Variants in TMEM117 observed in about 807,000 individuals in gnomAD.
The protein encoded by TMEM117 is transmembrane protein 117.
TMEM117 carries 27 observed loss-of-function variants against 52.4 expected under a neutral mutation model. That is an observed-to-expected ratio of 0.51 (90% CI 0.38 to 0.71). The LOEUF is 0.71. Ranked by LOEUF, TMEM117 falls within the 30% of genes least tolerant of loss-of-function variation. The probability of loss-of-function intolerance (pLI) is 0.00; values close to 1 mark genes in which losing one functional copy is unlikely to be tolerated. For missense variants in TMEM117, 556 were observed against 630.5 expected, an observed-to-expected ratio of 0.88 and a Z score of 1.26; for synonymous variants, 215 against 206.3, an observed-to-expected ratio of 1.04 and a Z score of -0.36.
At chr12:44,172,872 A>C (rs1033535003) in intron 4 of TMEM117, among the ~76,000 whole-genome samples, 1 of 151,816 alleles carries the variant, frequency 6.6e-6, no homozygotes, top group Non-Finnish European at 1.5e-5. Context: ...TTACAGGTGC[A>C]TGCCACCACG....
At chr12:43,954,078 C>T (rs1294105967) in intron 3 of TMEM117, among the ~76,000 whole-genome samples, 1 of 152,066 alleles carries the variant, frequency 6.6e-6, no homozygotes, top group Non-Finnish European at 1.5e-5. Context: ...GAAATTAAGG[C>T]AGAAATCAAG....
intron 4 of TMEM117, among the ~76,000 whole-genome samples, chr12:44,198,977 T>A (rs960385732): frequency 2.6e-5 from 4 of 152,194 alleles, no homozygotes; most frequent in African/African-American, 9.6e-5. Flanking sequence ...TATTTGGGAC[T>A]TTATATCAAT....
At chr12:44,320,639 G>A (rs1951117946) in intron 6 of TMEM117, among the ~76,000 whole-genome samples, 1 of 152,148 alleles carries the variant, frequency 6.6e-6, no homozygotes, top group Non-Finnish European at 1.5e-5. Flanking sequence ...TGCAATACAA[G>A]GGCATCTCCC....
chr12:43,798,417 G>A, the TMEM117 span: 5 of 671,520 alleles, frequency 7.4e-6, no homozygotes, highest in Admixed American at 3.8e-5. Flanking sequence ...TTTTATACTT[G>A]ATAAATGATA....
In TMEM117 at chr12:44,328,964, C is replaced by G. The variant is rs1024022957; in HGVS notation, c.768+29225C>G. On this transcript the variant is annotated intron_variant, in intron 6 of 7. Transcript: ENST00000266534. ...AAGACAAATTATACTTCTCAGAACC[C>G]TAACTTCCACAGAGATGCCACATGG... 2.6e-5 allele frequency among the ~76,000 whole-genome samples: 4 copies of G among 151,724 alleles called. No individual in the cohort carries two copies. The East Asian group carries it at 5.8e-4, about 22-fold the overall frequency.
chr12:44,280,714 T>A (rs1030037688), intron 5 of TMEM117, among the ~76,000 whole-genome samples: 2 of 151,890 alleles, frequency 1.3e-5, no homozygotes, highest in African/African-American at 4.8e-5. Context: ...GTTTCCTGAA[T>A]TCTCTGTGCC....
intron 3 of TMEM117, among the ~76,000 whole-genome samples, chr12:44,018,241 G>A (rs1001091787): frequency 2.0e-5 from 3 of 152,160 alleles, no homozygotes; most frequent in Non-Finnish European, 2.9e-5. Context: ...AAAGGCAAAA[G>A]TGAATTTTTG....
intron 2 of TMEM117, among the ~76,000 whole-genome samples, chr12:43,939,943 A>G (rs566702563): frequency 7.2e-5 from 11 of 151,956 alleles, no homozygotes; most frequent in Non-Finnish European, 1.6e-4. Flanking sequence ...GTGTAGAGGA[A>G]CTCCCATTAA....
chr12:43,804,133 T>A, the TMEM117 span: 7 of 355,130 alleles, frequency 2.0e-5, no homozygotes, highest in South Asian at 1.5e-4. Flanking sequence ...ACAAACTTAA[T>A]TGAATAATTC....
intron 7 of TMEM117, among the ~76,000 whole-genome samples, chr12:44,385,474 G>A (rs1222341077): frequency 6.6e-6 from 1 of 152,124 alleles, no homozygotes; most frequent in Non-Finnish European, 1.5e-5. Context: ...GGTGACTTGA[G>A]CTTGTAGTTC....
intron 3 of TMEM117, among the ~76,000 whole-genome samples, chr12:43,962,279 C>T (rs995247230): frequency 2.0e-5 from 3 of 152,164 alleles, no homozygotes; most frequent in African/African-American, 7.2e-5. Flanking sequence ...TGCCTTTAGG[C>T]TACCACCAGG....
rs199645447 is a variant in TMEM117, at chr12:44,155,848, A to G, written c.510+12224A>G. 7.2e-5 allele frequency among the ~76,000 whole-genome samples: 11 copies of G among 152,184 alleles called. No homozygotes were observed. The East Asian group carries it at 1.7e-3, about 24-fold the overall frequency. On this transcript the variant is annotated intron_variant, in intron 4 of 7. Coordinates refer to ENST00000266534, the MANE Select transcript of TMEM117 (RefSeq NM_032256.3). ...TGTGCTTTTTAAACAGGGCACATTAATCTGGAAACTGATTATGGCATGAAT... is the reference window on the plus strand; with the variant it reads ...TGTGCTTTTTAAACAGGGCACATTAGTCTGGAAACTGATTATGGCATGAAT...
At chr12:44,039,157 G>A (rs1445197789) in intron 3 of TMEM117, among the ~76,000 whole-genome samples, 1 of 152,106 alleles carries the variant, frequency 6.6e-6, no homozygotes, top group Non-Finnish European at 1.5e-5. Context: ...AGATTGTGGA[G>A]ATATTTCCTA....
At chr12:43,868,700 A>G (rs1262702100) in intron 2 of TMEM117, among the ~76,000 whole-genome samples, 1 of 152,150 alleles carries the variant, frequency 6.6e-6, no homozygotes, top group Non-Finnish European at 1.5e-5. Flanking sequence ...GTGACAAAAC[A>G]GTGCTTAGGG....
intron 2 of TMEM117, among the ~76,000 whole-genome samples, chr12:43,881,945 G>C (rs1477077195): frequency 6.6e-6 from 1 of 151,604 alleles, no homozygotes; most frequent in Admixed American, 6.6e-5. Flanking sequence ...GGTGGCAAGC[G>C]CCTGTAGTCC....
the TMEM117 span, among the ~76,000 whole-genome samples, chr12:43,828,859 T>C: frequency 6.6e-6 from 1 of 152,222 alleles, no homozygotes. Context: ...CCCTCCTTTC[T>C]TTCCTACCCT....
intron 3 of TMEM117, among the ~76,000 whole-genome samples, chr12:44,032,953 G>A (rs9919711): frequency 0.096 from 14,535 of 152,168 alleles, 1,103 homozygotes; most frequent in African/African-American, 0.2. Context: ...CTTGAATAAG[G>A]GCAGGTTAAA....
chr12:44,381,160 A>G (rs1445439697), intron 7 of TMEM117, among the ~76,000 whole-genome samples: 1 of 152,216 alleles, frequency 6.6e-6, no homozygotes, highest in East Asian at 1.9e-4. Context: ...ATAAAAATAA[A>G]TCATTTCTAT....
chr12:43,804,808 T>G, the TMEM117 span, among the ~76,000 whole-genome samples: 1 of 152,250 alleles, frequency 6.6e-6, no homozygotes, highest in Non-Finnish European at 1.5e-5. Context: ...GCTACATAAT[T>G]CTGTGCAGAA....
Sources: gnomAD v4.1 joint callset for allele counts (sites outside exome capture counted in the v4.1 genomes callset) on GRCh38, gnomAD v4.1.1 for gene constraint, MANE v1.5 for transcripts, NCBI Gene and HGNC (gene_info 2026-07-23, HGNC 2026-07-21) for gene names.